ADAMTS16: variants seen among roughly 807,000 people sequenced by gnomAD.
The protein encoded by ADAMTS16 is ADAM metallopeptidase with thrombospondin type 1 motif 16.
Under a neutral mutation model 145.8 loss-of-function variants are expected in ADAMTS16, and 94 were observed. The observed-to-expected ratio is 0.64, with a 90% CI of 0.55 to 0.77. The LOEUF is 0.77. Among genes scored for constraint, ADAMTS16 ranks in the 30% least tolerant of loss-of-function variants. The pLI, the probability that ADAMTS16 is intolerant of heterozygous loss-of-function variation, is 0.00. For synonymous variants in ADAMTS16, 659 were observed against 604.3 expected (o/e 1.09, Z -1.33); for missense variants, 1,585 against 1,591.5 (o/e 1.00, Z 0.07).
At chr5:5,203,521 T>C (rs1736012683) in intron 9 of ADAMTS16, among the ~76,000 whole-genome samples, 1 of 152,222 alleles carries the variant, frequency 6.6e-6, no homozygotes, top group South Asian at 2.1e-4. Context: ...GGGAACTCAA[T>C]TGGCCTGAAG....
At chr5:5,213,237 G>A (rs1234265590) in intron 10 of ADAMTS16, among the ~76,000 whole-genome samples, 1 of 152,054 alleles carries the variant, frequency 6.6e-6, no homozygotes, top group African/African-American at 2.4e-5. Context: ...TTTCCTATAG[G>A]TCTGTTTCAA....
chr5:5,147,299 C>A (rs748675683), intron 3 of ADAMTS16, among the ~76,000 whole-genome samples: 1 of 152,132 alleles, frequency 6.6e-6, no homozygotes, highest in Non-Finnish European at 1.5e-5. Context: ...AGTTCAAGGT[C>A]TTGAGGATGT....
intron 10 of ADAMTS16, among the ~76,000 whole-genome samples, chr5:5,219,308 C>T (rs994150297): frequency 2.6e-5 from 4 of 152,082 alleles, no homozygotes; most frequent in African/African-American, 7.2e-5. Context: ...ACCCTATGGC[C>T]CTACTAAACA....
chr5:5,242,917 C>T (rs1737336832), intron 17 of ADAMTS16, among the ~76,000 whole-genome samples: 1 of 152,122 alleles, frequency 6.6e-6, no homozygotes, highest in African/African-American at 2.4e-5. Context: ...GTATAAAATA[C>T]ACAAGTTTCC....
chr5:5,168,646 ATATT>A (rs1300661169), intron 3 of ADAMTS16, among the ~76,000 whole-genome samples: 7 of 97,200 alleles, frequency 7.2e-5, no homozygotes, highest in African/African-American at 2.5e-4. Context: ...ATATATAATT[ATATT>A]TATATATTAT....
intron 18 of ADAMTS16, among the ~76,000 whole-genome samples, chr5:5,273,984 G>A (rs564438374): frequency 3.9e-5 from 6 of 152,172 alleles, no homozygotes; most frequent in African/African-American, 1.4e-4. Flanking sequence ...TATTTTGTTT[G>A]CTTGATTTTC....
At chr5:5,266,107 T>C (rs1433871799) in intron 18 of ADAMTS16, among the ~76,000 whole-genome samples, 2 of 151,490 alleles carry the variant, frequency 1.3e-5, no homozygotes, top group African/African-American at 4.9e-5. Flanking sequence ...CTCAGGGTAA[T>C]TGGAAATGTT....
At chr5:5,302,562 A>G (rs1739829246) in intron 18 of ADAMTS16, among the ~76,000 whole-genome samples, 1 of 152,240 alleles carries the variant, frequency 6.6e-6, no homozygotes, top group African/African-American at 2.4e-5. Flanking sequence ...AAGACTCAGT[A>G]AGGGAAAGAT....
chr5:5,282,011 A>G (rs1207063010), intron 18 of ADAMTS16, among the ~76,000 whole-genome samples: 1 of 130,772 alleles, frequency 7.6e-6, no homozygotes, highest in African/African-American at 2.8e-5. Flanking sequence ...GAGTGTGATA[A>G]TGCATTGGTT....
chr5:5,199,650 T>A (rs557297107), intron 8 of ADAMTS16, among the ~76,000 whole-genome samples: 1 of 152,172 alleles, frequency 6.6e-6, no homozygotes, highest in African/African-American at 2.4e-5. Flanking sequence ...CAAATTGCAG[T>A]AAGCATCAAA....
chr5:5,203,574 G>C (rs1451817852), intron 9 of ADAMTS16, among the ~76,000 whole-genome samples: 2 of 152,104 alleles, frequency 1.3e-5, no homozygotes, highest in Non-Finnish European at 2.9e-5. Flanking sequence ...AGTTATGAAG[G>C]CTTGATAGTT....
At chr5:5,283,538 C>A (rs1739000030) in intron 18 of ADAMTS16, among the ~76,000 whole-genome samples, 1 of 151,658 alleles carries the variant, frequency 6.6e-6, no homozygotes, top group Non-Finnish European at 1.5e-5. Context: ...TCCTTGGTGA[C>A]TTTTTCTTTT....
chr5:5,168,784 T>C (rs1472052071), intron 3 of ADAMTS16, among the ~76,000 whole-genome samples: 1 of 143,792 alleles, frequency 7.0e-6, no homozygotes, highest in Non-Finnish European at 1.5e-5. Flanking sequence ...TTATTATAGA[T>C]AGAGCCCTTA....
At chr5:5,159,482 AT>A (rs572848634) in intron 3 of ADAMTS16, among the ~76,000 whole-genome samples, 226 of 152,288 alleles carry the variant, frequency 1.5e-3, no homozygotes, top group African/African-American at 5.1e-3. Context: ...CTGAACAAGT[AT>A]TTGTTCTCCT....
At chr5:5,306,424 A>G (rs1250054476) in intron 20 of ADAMTS16, 80 bp from the exon 21 acceptor site, 4 of 1,199,284 alleles carry the variant, frequency 3.3e-6, no homozygotes, top group Admixed American at 4.0e-5. Context: ...GTTCAAGCAG[A>G]TATCTCTGAT....
chr5:5,303,259 C>A lies in ADAMTS16; in HGVS notation c.2790-9C>A. 6.5e-7 allele frequency: 1 copy of A among 1,545,638 alleles called. No homozygotes were observed. The highest frequency in any genetic ancestry group is 8.7e-7 in the Non-Finnish European group (1 of 1,143,840). On this transcript the variant is annotated splice_polypyrimidine_tract_variant and intron_variant, in intron 18 of 22. Transcript: ENST00000274181. ...CATCCCTCACCGAGGTCTCTTTGTC[C>A]CTGCCCAGCTGGTCCGTGGGGAACT...
rs1253160520 is a variant in ADAMTS16 at position 5,146,425 on chromosome 5, C to A, written c.471C>A (p.Ser157=). The change falls in exon 3 of 23, where the codon TCC becomes TCA. Residue 157 remains serine (S), a synonymous_variant. Transcript: ENST00000274181. ...YQGSLRSHRN[S]SVALSTCQGL... is the part of the protein sequence containing the mutation. The stretch of plus-strand genomic sequence containing the variant: ...GCTCTTTGCGATCACACAGAAACTC[C>A]TCAGTGGCCCTTTCAACCTGCCAAG... 6.2e-7 allele frequency: 1 copy of A among 1,611,082 alleles called. No homozygotes were observed. Among genetic ancestry groups the A allele is most frequent in the Non-Finnish European group, 8.5e-7 (1 of 1,179,618 alleles).
chr5:5,166,276 TAC>T (rs1014272740), intron 3 of ADAMTS16, among the ~76,000 whole-genome samples: 18 of 150,380 alleles, frequency 1.2e-4, no homozygotes, highest in Non-Finnish European at 1.9e-4. Flanking sequence ...CACACATACA[TAC>T]ACACACACAC....
intron 21 of ADAMTS16, among the ~76,000 whole-genome samples, chr5:5,315,418 A>G (rs1427283823): frequency 1.3e-5 from 2 of 150,388 alleles, no homozygotes; most frequent in Admixed American, 1.3e-4. Flanking sequence ...ATCAAACCAC[A>G]TATTAATTAT....
Sources: allele counts gnomAD v4.1 joint callset (sites outside exome capture counted in the v4.1 genomes callset), GRCh38; gene constraint gnomAD v4.1.1; transcripts MANE v1.5; gene names NCBI Gene and HGNC (gene_info 2026-07-23, HGNC 2026-07-21).